TCF20: variants seen among roughly 807,000 people sequenced by gnomAD.
TCF20 encodes SPRE-binding protein.
A neutral mutation model predicts 148.6 loss-of-function variants in TCF20; 3 were observed. That is an observed-to-expected ratio of 0.02 (90% CI 0.01 to 0.05). The LOEUF (loss-of-function observed/expected upper bound fraction) is 0.05, where lower values mean the gene tolerates loss of function less well. TCF20 is among the 10% of genes least tolerant of loss of function. The pLI, the probability that TCF20 is intolerant of heterozygous loss-of-function variation, is 1.00. For missense variants in TCF20, 2,350 were observed against 2,429.3 expected (o/e 0.97, Z 0.69); for synonymous variants, 1,049 against 909.5 (o/e 1.15, Z -2.76).
chr22:42,289,420 A>G (rs1040208590), intron 1 of TCF20, among the ~76,000 whole-genome samples: 3 of 152,150 alleles, frequency 2.0e-5, no homozygotes, highest in Non-Finnish European at 2.9e-5. Context: ...TATTAACAAT[A>G]ATCTTTAACA....
At chr22:42,343,226 G>A (rs1334588414) in intron 1 of TCF20, among the ~76,000 whole-genome samples, 1 of 152,158 alleles carries the variant, frequency 6.6e-6, no homozygotes, top group African/African-American at 2.4e-5. Context: ...CCCACTCTTA[G>A]CCTCCGTTTT....
chr22:42,242,202 CAAAAAAAAAAAA>C (rs151190006), intron 1 of TCF20, among the ~76,000 whole-genome samples: 2 of 59,802 alleles, frequency 3.3e-5, no homozygotes, highest in Non-Finnish European at 5.7e-5. Context: ...GACTTCGCCT[CAAAAAAAAAAAA>C]AAAAAAAAAA....
At chr22:42,169,056 G>A (rs192745778) in intron 4 of TCF20, among the ~76,000 whole-genome samples, 1 of 151,810 alleles carries the variant, frequency 6.6e-6, no homozygotes, top group East Asian at 1.9e-4. Flanking sequence ...TTTGAGGGCA[G>A]ACCTCTCTGG....
At chr22:42,280,706 T>C (rs1252739989) in intron 1 of TCF20, among the ~76,000 whole-genome samples, 1 of 152,190 alleles carries the variant, frequency 6.6e-6, no homozygotes, top group African/African-American at 2.4e-5. Flanking sequence ...GAGGCTCAGA[T>C]GGATTGAGTG....
chr22:42,322,143 T>A (rs1300187394), intron 1 of TCF20, among the ~76,000 whole-genome samples: 1 of 151,754 alleles, frequency 6.6e-6, no homozygotes, highest in Non-Finnish European at 1.5e-5. Flanking sequence ...TCCTTTCTCA[T>A]TCAAAAAGAA....
intron 1 of TCF20, among the ~76,000 whole-genome samples, chr22:42,304,756 G>A (rs1433064692): frequency 1.3e-5 from 2 of 152,042 alleles, no homozygotes; most frequent in African/African-American, 2.4e-5. Context: ...GCTTCCTGGT[G>A]TCCACTCCTC....
intron 2 of TCF20, among the ~76,000 whole-genome samples, chr22:42,187,508 G>A (rs969463572): frequency 6.6e-6 from 1 of 152,158 alleles, no homozygotes; most frequent in Non-Finnish European, 1.5e-5. Context: ...CCCAGAAGTG[G>A]TACAAAACGC....
At chr22:42,339,153 C>T (rs1255391408) in intron 1 of TCF20, among the ~76,000 whole-genome samples, 1 of 152,222 alleles carries the variant, frequency 6.6e-6, no homozygotes, top group Non-Finnish European at 1.5e-5. Context: ...CAGGGGCAGT[C>T]GCTGCACCCA....
chr22:42,203,805 G>C (rs1938203300), intron 2 of TCF20, among the ~76,000 whole-genome samples: 1 of 152,200 alleles, frequency 6.6e-6, no homozygotes, highest in Non-Finnish European at 1.5e-5. Context: ...TGTGAGAAAG[G>C]GCAGTTGTAG....
chr22:42,215,330 C>A lies in TCF20; in HGVS notation c.-25G>T, dbSNP rs764323578. The stretch of plus-strand genomic sequence containing the variant: ...TACTGTTCAGCAGCACAGCAGCAGG[C>A]CAACAGCCCTCCTAGAAATAGAAGA... On this transcript the variant is annotated 5_prime_UTR_variant, in exon 2 of 6. Transcript: ENST00000677622. The A allele has an allele frequency of 6.3e-7, 1 of 1,581,654 alleles. No individual in the cohort carries two copies. Among genetic ancestry groups the A allele is most frequent in the African/African-American group, 1.4e-5 (1 of 73,722 alleles).
chr22:42,316,728 G>T (rs557013222), intron 1 of TCF20, among the ~76,000 whole-genome samples: 2 of 152,176 alleles, frequency 1.3e-5, no homozygotes, highest in Non-Finnish European at 2.9e-5. Flanking sequence ...GAGCCACTGC[G>T]CCCTGCTGGC....
At chr22:42,305,938 G>A (rs1043428321) in intron 1 of TCF20, among the ~76,000 whole-genome samples, 30 of 152,296 alleles carry the variant, frequency 2.0e-4, no homozygotes, top group African/African-American at 7.0e-4. Context: ...CTGGGGGCTC[G>A]GAGACCTCTG....
At chr22:42,249,335 T>C (rs1020685685) in intron 1 of TCF20, among the ~76,000 whole-genome samples, 4 of 152,182 alleles carry the variant, frequency 2.6e-5, no homozygotes, top group African/African-American at 9.7e-5. Flanking sequence ...ATGAGCCAAT[T>C]CCCCTAATAA....
rs1279991224 is a variant in TCF20 at position 42,200,473 on chromosome 22, T to C, written c.5655+9178A>G. 3.3e-5 allele frequency among the ~76,000 whole-genome samples: 5 copies of C among 151,990 alleles called. No homozygotes were observed. In the East Asian group the frequency reaches 9.6e-4, roughly 29 times the overall value. On this transcript the variant is annotated intron_variant, in intron 2 of 5. Coordinates refer to ENST00000677622, the MANE Select transcript of TCF20 (RefSeq NM_001378418.1). The stretch of plus-strand genomic sequence containing the variant: ...CTGGCCAACATGGTCAAACCCCATC[T>C]CTACTAAAAAATACAAAAATTAGTC...
chr22:42,294,988 G>T (rs564288446), intron 1 of TCF20, among the ~76,000 whole-genome samples: 1 of 152,170 alleles, frequency 6.6e-6, no homozygotes, highest in Admixed American at 6.5e-5. Context: ...GGAAACCTAC[G>T]CGCTGCCTAG....
intron 1 of TCF20, among the ~76,000 whole-genome samples, chr22:42,267,005 C>G (rs567145417): frequency 6.6e-6 from 1 of 152,292 alleles, no homozygotes; most frequent in East Asian, 1.9e-4. Flanking sequence ...CACGGTGGCT[C>G]ATGCCTGTAA....
rs759118027 is a variant in TCF20 at position 42,216,079 on chromosome 22, C to CTTTT, written c.-36-742_-36-739dup. Among the ~76,000 whole-genome samples, 395 of 50,550 alleles carry CTTTT rather than the reference C, an allele frequency of 7.8e-3. 89 individuals are homozygous for CTTTT. The highest frequency in any genetic ancestry group is 0.022 in the African/African-American group (260 of 11,820). The allele number at this position is 50,550 out of a possible 152,430, so 33.2% of individuals were successfully genotyped here. The stretch of plus-strand genomic sequence containing the variant: ...GGTGTGGGGTAAGAAAAACCAAATC[C>CTTTT]TTTTTTTTTTTTTTTTTTTTTTTTT... On this transcript the variant is annotated intron_variant, in intron 1 of 5. Transcript: ENST00000677622.
intron 1 of TCF20, among the ~76,000 whole-genome samples, chr22:42,342,094 C>T (rs541295885): frequency 2.6e-5 from 4 of 152,240 alleles, no homozygotes; most frequent in African/African-American, 4.8e-5. Flanking sequence ...GCAGGGGAGA[C>T]GGCTCAGAGG....
At chr22:42,192,792 T>C (rs1239517388) in intron 2 of TCF20, among the ~76,000 whole-genome samples, 1 of 152,208 alleles carries the variant, frequency 6.6e-6, no homozygotes, top group East Asian at 1.9e-4. Context: ...CGGGGCCTTT[T>C]CTTCCTGGAA....
Sources: gnomAD v4.1 joint callset for allele counts (sites outside exome capture counted in the v4.1 genomes callset) on GRCh38, gnomAD v4.1.1 for gene constraint, MANE v1.5 for transcripts, NCBI Gene and HGNC (gene_info 2026-07-23, HGNC 2026-07-21) for gene names.